Variants in CBLB observed in about 807,000 individuals in gnomAD.
CBLB encodes the protein Cbl proto-oncogene B, also known as E3 ubiquitin-protein ligase CBL-B.
A neutral mutation model predicts 104.9 loss-of-function variants in CBLB; 31 were observed. The observed-to-expected ratio is 0.30, with a 90% CI of 0.22 to 0.40. CBLB has a LOEUF of 0.40. Ranked by LOEUF, CBLB falls within the 10% of genes least tolerant of loss-of-function variation. CBLB has a pLI of 1.00. For synonymous variants in CBLB, 440 were observed against 422.6 expected (o/e 1.04, Z -0.51); for missense variants, 1,062 against 1,214.6 (o/e 0.87, Z 1.87).
intron 3 of CBLB, among the ~76,000 whole-genome samples, chr3:105,780,923 G>A (rs2080186703): frequency 6.6e-6 from 1 of 151,998 alleles, no homozygotes; most frequent in African/African-American, 2.4e-5. Flanking sequence ...GCCTCCCAAA[G>A]TACTGGGATT....
chr3:105,780,660 GTTTTTTTT>G (rs58640968), intron 3 of CBLB, among the ~76,000 whole-genome samples: 8 of 94,036 alleles, frequency 8.5e-5, no homozygotes, highest in African/African-American at 3.0e-4. Context: ...TTTGTTTTTT[GTTTTTTTT>G]TTTTTTTTTT....
chr3:105,754,521 G>GAGAGAGAGAGAGAGAA (rs1437970435), intron 4 of CBLB, among the ~76,000 whole-genome samples: 7 of 86,006 alleles, frequency 8.1e-5, no homozygotes, highest in South Asian at 4.3e-4. Context: ...GAGAGAGAGA[G>GAGAGAGAGAGAGAGAA]ACAGAGAGAG....
chr3:105,807,512 T>C (rs563731438), intron 3 of CBLB, among the ~76,000 whole-genome samples: 10 of 152,322 alleles, frequency 6.6e-5, no homozygotes, highest in South Asian at 4.1e-4. Context: ...CATAGTCTTA[T>C]TTGTGAAGTA....
intron 17 of CBLB, chr3:105,670,613 A>G (rs1487122038): frequency 2.4e-6 from 1 of 419,648 alleles, no homozygotes; most frequent in East Asian, 5.0e-5. Context: ...ATATTTAATT[A>G]TAAGATTGTT....
chr3:105,793,002 G>GT (rs138325778), intron 3 of CBLB, among the ~76,000 whole-genome samples: 3,365 of 152,212 alleles, frequency 0.022, 86 homozygotes, highest in East Asian at 0.12. Flanking sequence ...CTCCTCTTAT[G>GT]TATCTCCTTG....
At chr3:105,823,676 T>C (rs2086188379) in intron 3 of CBLB, among the ~76,000 whole-genome samples, 2 of 152,196 alleles carry the variant, frequency 1.3e-5, no homozygotes, top group African/African-American at 4.8e-5. Flanking sequence ...GTCTGAGTCA[T>C]GTACCTCAGC....
At chr3:105,685,804 T>C (rs2066930518) in intron 13 of CBLB, among the ~76,000 whole-genome samples, 2 of 152,210 alleles carry the variant, frequency 1.3e-5, no homozygotes, top group African/African-American at 4.8e-5. Context: ...AATATTAATA[T>C]TTTGTTCCAA....
chr3:105,780,527 G>A (rs568521167), intron 3 of CBLB, among the ~76,000 whole-genome samples: 1 of 151,846 alleles, frequency 6.6e-6, no homozygotes, highest in South Asian at 2.1e-4. Context: ...TGGAATTTTC[G>A]ATATCAGTTC....
intron 9 of CBLB, among the ~76,000 whole-genome samples, chr3:105,722,514 C>T (rs1326278170): frequency 6.6e-6 from 1 of 152,210 alleles, no homozygotes; most frequent in East Asian, 1.9e-4. Context: ...CATATAAATT[C>T]ACTGGTAAAT....
intron 3 of CBLB, among the ~76,000 whole-genome samples, chr3:105,801,324 TA>T (rs946898842): frequency 1.1e-4 from 16 of 152,338 alleles, no homozygotes; most frequent in African/African-American, 3.4e-4. Flanking sequence ...ACCCTACTTA[TA>T]AAAGTGGTAA....
chr3:105,806,537 A>G (rs1329038459), intron 3 of CBLB, among the ~76,000 whole-genome samples: 1 of 150,978 alleles, frequency 6.6e-6, no homozygotes, highest in Non-Finnish European at 1.5e-5. Context: ...GCAAGTGGAT[A>G]TTCTTTTTAA....
intron 14 of CBLB, 24 bp from the exon 15 acceptor site, chr3:105,681,842 T>C (rs761261274): frequency 2.3e-6 from 3 of 1,329,924 alleles, no homozygotes; most frequent in Non-Finnish European, 3.2e-6. Flanking sequence ...CAGAGTAAAA[T>C]TATATAAGGA....
intron 18 of CBLB, 145 bp downstream of exon 18, chr3:105,670,088 T>C: frequency 1.4e-6 from 1 of 716,786 alleles, no homozygotes. Flanking sequence ...ATGCCAGCTT[T>C]ATAAGCAAAA....
chr3:105,738,336 T>C (rs1164425835), intron 7 of CBLB, among the ~76,000 whole-genome samples: 3 of 152,086 alleles, frequency 2.0e-5, no homozygotes, highest in Non-Finnish European at 4.4e-5. Context: ...AATTCTTACA[T>C]AGTAAGGGAC....
At chr3:105,800,480 A>G (rs1229473317) in intron 3 of CBLB, among the ~76,000 whole-genome samples, 1 of 152,148 alleles carries the variant, frequency 6.6e-6, no homozygotes, top group Non-Finnish European at 1.5e-5. Flanking sequence ...GCGGTACCAA[A>G]GCACTGGTAT....
At chr3:105,833,270 G>A (rs2087853081) in intron 3 of CBLB, among the ~76,000 whole-genome samples, 1 of 152,146 alleles carries the variant, frequency 6.6e-6, no homozygotes, top group African/African-American at 2.4e-5. Flanking sequence ...TTGAAGACTA[G>A]CAAATATTGC....
At chr3:105,786,996 T>C (rs568509535) in intron 3 of CBLB, among the ~76,000 whole-genome samples, 2 of 152,284 alleles carry the variant, frequency 1.3e-5, no homozygotes, top group East Asian at 1.9e-4. Flanking sequence ...TAGATGTCAA[T>C]GGTCTCACAG....
At chr3:105,675,601 G>A (rs926886459) in intron 17 of CBLB, among the ~76,000 whole-genome samples, 1 of 151,974 alleles carries the variant, frequency 6.6e-6, no homozygotes, top group Admixed American at 6.6e-5. Flanking sequence ...AGTCATAAAG[G>A]GGCTGGGTGC....
chr3:105,795,868 C>T (rs566376085), intron 3 of CBLB, among the ~76,000 whole-genome samples: 4 of 152,092 alleles, frequency 2.6e-5, no homozygotes, highest in South Asian at 2.1e-4. Flanking sequence ...CTCAGCCTCC[C>T]GAGTAGCTGG....
Sources: gnomAD v4.1 joint callset for allele counts (sites outside exome capture counted in the v4.1 genomes callset) on GRCh38, gnomAD v4.1.1 for gene constraint, MANE v1.5 for transcripts, NCBI Gene and HGNC (gene_info 2026-07-23, HGNC 2026-07-21) for gene names.